The following ZBTB20 variants were observed in gnomAD, a reference collection of about 807,000 sequenced individuals.
The protein encoded by ZBTB20 is zinc finger and BTB domain containing 20, also known as zinc finger and BTB domain-containing protein 20.
Under a neutral mutation model 56.9 loss-of-function variants are expected in ZBTB20, and 9 were observed. That is an observed-to-expected ratio of 0.16 (90% CI 0.10 to 0.28). The LOEUF (loss-of-function observed/expected upper bound fraction) is 0.28. Among genes scored for constraint, ZBTB20 ranks in the 10% least tolerant of loss-of-function variants. The pLI is 1.00. For missense variants in ZBTB20, 655 were observed against 1,003.0 expected, an observed-to-expected ratio of 0.65 and a Z score of 4.69; for synonymous variants, 417 against 420.7, an observed-to-expected ratio of 0.99 and a Z score of 0.11.
chr3:115,139,910 T>C (rs1371999054), intron 1 of ZBTB20, among the ~76,000 whole-genome samples: 2 of 152,018 alleles, frequency 1.3e-5, no homozygotes, highest in African/African-American at 4.8e-5. Context: ...GTACTTAATA[T>C]CATATATCTA....
chr3:114,952,745 T>C (rs554963177), intron 3 of ZBTB20, among the ~76,000 whole-genome samples: 2 of 152,092 alleles, frequency 1.3e-5, no homozygotes, highest in South Asian at 4.1e-4. Context: ...TCAGAAACCA[T>C]GAAAACCTGA....
chr3:114,612,840 C>T (rs957463884), intron 6 of ZBTB20, among the ~76,000 whole-genome samples: 1 of 152,022 alleles, frequency 6.6e-6, no homozygotes, highest in African/African-American at 2.4e-5. Flanking sequence ...ACAAATGGTA[C>T]ACCATATAGT....
intron 7 of ZBTB20, chr3:114,454,756 T>A (rs908958558): frequency 6.6e-6 from 1 of 151,904 alleles, no homozygotes; most frequent in African/African-American, 2.4e-5. Flanking sequence ...CTATTCTTGA[T>A]ATTGATTCTC....
At chr3:114,517,041 T>G (rs1003521044) in intron 6 of ZBTB20, among the ~76,000 whole-genome samples, 12 of 152,340 alleles carry the variant, frequency 7.9e-5, no homozygotes, top group Admixed American at 6.5e-4. Context: ...AGGTACTTAC[T>G]GAGTGCCTAC....
intron 7 of ZBTB20, among the ~76,000 whole-genome samples, chr3:114,458,996 T>C (rs1476793661): frequency 6.6e-6 from 1 of 152,134 alleles, no homozygotes. Flanking sequence ...GCCTTTTTAG[T>C]GTACATTTGT....
intron 4 of ZBTB20, among the ~76,000 whole-genome samples, chr3:114,852,904 C>T (rs929376002): frequency 1.3e-5 from 2 of 152,110 alleles, no homozygotes; most frequent in Non-Finnish European, 2.9e-5. Context: ...CCAACTCGAC[C>T]GTGCACATTG....
intron 6 of ZBTB20, among the ~76,000 whole-genome samples, chr3:114,632,724 C>G (rs758370590): frequency 6.6e-6 from 1 of 152,150 alleles, no homozygotes; most frequent in Non-Finnish European, 1.5e-5. Context: ...TATCTTCAAT[C>G]TATTAAATCA....
chr3:114,805,798 C>A (rs7650201), intron 4 of ZBTB20, among the ~76,000 whole-genome samples: 49 of 151,828 alleles, frequency 3.2e-4, no homozygotes, highest in African/African-American at 4.6e-4. Context: ...TTTTCTCTCT[C>A]TATAAATTTG....
At chr3:114,876,941 T>C (rs2076221738) in intron 4 of ZBTB20, among the ~76,000 whole-genome samples, 1 of 152,196 alleles carries the variant, frequency 6.6e-6, no homozygotes, top group Non-Finnish European at 1.5e-5. Flanking sequence ...ATCTATCTGA[T>C]ACCTTTAGTA....
intron 7 of ZBTB20, among the ~76,000 whole-genome samples, chr3:114,456,101 G>A (rs989338415): frequency 6.6e-6 from 1 of 151,972 alleles, no homozygotes; most frequent in African/African-American, 2.4e-5. Context: ...TATAGTTAGT[G>A]CACAAACCTC....
At chr3:114,632,771 A>G (rs1305597636) in intron 6 of ZBTB20, among the ~76,000 whole-genome samples, 2 of 152,220 alleles carry the variant, frequency 1.3e-5, no homozygotes, top group Admixed American at 6.5e-5. Flanking sequence ...AGGGAGGCAC[A>G]TGGGCTGATA....
chr3:114,662,483 C>A (rs112182692), intron 6 of ZBTB20, among the ~76,000 whole-genome samples: 2 of 144,782 alleles, frequency 1.4e-5, no homozygotes, highest in African/African-American at 5.4e-5. Flanking sequence ...TCGCCACACT[C>A]ACTTCCACAA....
chr3:114,565,495 CTTTCTTCA>C (rs1198617945), intron 6 of ZBTB20, among the ~76,000 whole-genome samples: 18 of 152,168 alleles, frequency 1.2e-4, no homozygotes, highest in Non-Finnish European at 5.9e-5. Flanking sequence ...TTCTTGGCAA[CTTTCTTCA>C]TTAGCTTTTT....
At chr3:114,613,639 C>A (rs2057716948) in intron 6 of ZBTB20, among the ~76,000 whole-genome samples, 1 of 152,130 alleles carries the variant, frequency 6.6e-6, no homozygotes, top group Non-Finnish European at 1.5e-5. Flanking sequence ...GTACCAAGCT[C>A]ACTTCATCCA....
intron 5 of ZBTB20, among the ~76,000 whole-genome samples, chr3:114,735,260 T>C (rs2066060971): frequency 2.0e-5 from 3 of 152,174 alleles, no homozygotes; most frequent in Non-Finnish European, 4.4e-5. Flanking sequence ...ATTCCATATG[T>C]TAAGTTTCTA....
At chr3:114,655,439 A>G (rs1008243897) in intron 6 of ZBTB20, among the ~76,000 whole-genome samples, 1 of 148,692 alleles carries the variant, frequency 6.7e-6, no homozygotes, top group African/African-American at 2.5e-5. Context: ...TTTTTAGTAG[A>G]GACGGGGTTT....
intron 7 of ZBTB20, among the ~76,000 whole-genome samples, chr3:114,444,746 C>A (rs542102909): frequency 6.6e-6 from 1 of 152,016 alleles, no homozygotes; most frequent in African/African-American, 2.4e-5. Context: ...AAAAATAAAA[C>A]CTTGTTTTAA....
chr3:114,595,519 T>C (rs2056238846), intron 6 of ZBTB20, among the ~76,000 whole-genome samples: 1 of 152,166 alleles, frequency 6.6e-6, no homozygotes, highest in African/African-American at 2.4e-5. Context: ...TGAATTGAAA[T>C]CAAGATTGAG....
intron 4 of ZBTB20, among the ~76,000 whole-genome samples, chr3:114,860,680 C>T (rs920553836): frequency 2.0e-5 from 3 of 152,186 alleles, no homozygotes; most frequent in African/African-American, 7.2e-5. Flanking sequence ...ACCTGCAGTG[C>T]TGTGCTTTCA....
Sources: allele counts gnomAD v4.1 joint callset (sites outside exome capture counted in the v4.1 genomes callset), GRCh38; gene constraint gnomAD v4.1.1; transcripts MANE v1.5; gene names NCBI Gene and HGNC (gene_info 2026-07-23, HGNC 2026-07-21).